The following HEATR5A variants were observed in gnomAD, a reference collection of about 807,000 sequenced individuals.
HEATR5A encodes the protein HEAT repeat containing 5A, also known as HEAT repeat-containing protein 5A.
In HEATR5A, 178 loss-of-function variants were observed where a neutral mutation model predicts 218.8. The ratio of observed to expected loss-of-function variants is 0.81; its 90% CI spans 0.72 to 0.92. The LOEUF is 0.92. Ranked by LOEUF, HEATR5A falls within the 40% of genes least tolerant of loss-of-function variation. HEATR5A has a pLI of 0.00. For missense variants in HEATR5A, 2,420 were observed against 2,418.9 expected, an observed-to-expected ratio of 1.00 and a Z score of -0.01; for synonymous variants, 864 against 871.6, an observed-to-expected ratio of 0.99 and a Z score of 0.15.
chr14:31,322,155 G>A (rs558395358), intron 24 of HEATR5A, among the ~76,000 whole-genome samples: 1 of 152,292 alleles, frequency 6.6e-6, no homozygotes, highest in South Asian at 2.1e-4. Flanking sequence ...CATACAAATG[G>A]TGGGAGTATA....
rs117316022 is a variant in HEATR5A at position 31,420,511 on chromosome 14, A to G, written c.-114T>C. On this transcript the variant is annotated 5_prime_UTR_variant, in exon 1 of 36. Coordinates refer to ENST00000543095, the MANE Select transcript of HEATR5A (RefSeq NM_015473.4). ...CTCAGCTGAGCGTGCGTCCCGGTCC[A>G]GCAACGTTACCGGCTGCTCTGCTAA... 1.3e-5 allele frequency: 2 copies of G among 152,458 alleles called. No homozygotes were observed. Among genetic ancestry groups the G allele is most frequent in the Middle Eastern group, 3.1e-3 (1 of 320 alleles). 9.4% of individuals were successfully genotyped at this position (152,458 alleles called of 1,614,324 possible). A position where few individuals can be genotyped will look rare whatever the true frequency, so the allele number is the denominator to read the frequency against.
At chr14:31,394,010 A>G (rs748712917) in intron 6 of HEATR5A, 42 bp downstream of exon 6, 1 of 1,337,560 alleles carries the variant, frequency 7.5e-7, no homozygotes, top group Non-Finnish European at 1.0e-6. Flanking sequence ...AACTGGGGAA[A>G]AAATTACAGA....
chr14:31,386,390 G>A, intron 9 of HEATR5A, 30 bp downstream of exon 9: 5 of 1,583,922 alleles, frequency 3.2e-6, no homozygotes, highest in East Asian at 4.5e-5. Flanking sequence ...TAGTGTACAA[G>A]GTATTCCAAT....
chr14:31,370,501 T>C (rs942380132), intron 13 of HEATR5A, among the ~76,000 whole-genome samples: 1 of 152,208 alleles, frequency 6.6e-6, no homozygotes, highest in African/African-American at 2.4e-5. Context: ...ACACTATTGG[T>C]AGAAATACAG....
At chr14:31,380,002 T>G (rs565696411) in intron 11 of HEATR5A, among the ~76,000 whole-genome samples, 1 of 152,224 alleles carries the variant, frequency 6.6e-6, no homozygotes, top group South Asian at 2.1e-4. Context: ...AAACAATTAC[T>G]GTTTTTTAAT....
rs576318096 is a variant in HEATR5A, at chr14:31,352,566, C to A, written c.2412-1849G>T. Among the ~76,000 whole-genome samples the A allele has an allele frequency of 2.0e-5, 3 of 152,172 alleles. No homozygotes were observed. The South Asian group carries it at 6.2e-4, about 32-fold the overall frequency. On this transcript the variant is annotated intron_variant, in intron 16 of 35. Transcript: ENST00000543095. ...CATGGGGATCGTGCCTTTAAAAAAC[C>A]TAACTGTACAAGGAGTTAAAGAGTA... is the stretch of plus-strand genomic sequence containing the variant.
At chr14:31,415,483 T>C (rs996307395) in intron 1 of HEATR5A, among the ~76,000 whole-genome samples, 1 of 152,218 alleles carries the variant, frequency 6.6e-6, no homozygotes, top group African/African-American at 2.4e-5. Flanking sequence ...TCACATACGA[T>C]GGGATAATGA....
rs1900106891 is a variant in HEATR5A, at chr14:31,321,500, T to C, written c.3968A>G (p.Asn1323Ser). 1.9e-6 allele frequency: 3 copies of C among 1,575,972 alleles called. No homozygotes were observed. The highest frequency in any genetic ancestry group is 2.6e-6 in the Non-Finnish European group (3 of 1,161,304). The change falls in exon 25 of 36, where the codon AAT (asparagine) becomes AGT (serine). Residue 1323 changes from asparagine to serine, a missense_variant and splice_region_variant. Asn to Ser is a conservative substitution (Grantham distance 46, BLOSUM62 1). Coordinates refer to ENST00000543095, the MANE Select transcript of HEATR5A (RefSeq NM_015473.4). ...GHVILEQYQA[N>S]VGAALRPAFT... ...AATTCTCTAAAAGAAAGTGCTTACA[T>C]TGGCTTGATACTGTTCCAGAATCAC...
rs1223882636 is a variant in HEATR5A at position 31,358,964 on chromosome 14, C to T, written c.2165G>A (p.Cys722Tyr). ...AASTFLLPPLCHQDDLLILSP... is the reference protein window; with the variant it reads ...AASTFLLPPLYHQDDLLILSP... ...TAGTATCAAAAGATCATCCTGATGA[C>T]AGAGGGGTGGAAGTAAAAATGTAGA... Residue 722 changes from cysteine (C) to tyrosine (Y), a missense_variant, in exon 15 of 36, where the codon TGT becomes TAT. Physicochemically the swap from Cys to Tyr is radical, Grantham distance 194 (BLOSUM62 -2). Coordinates refer to ENST00000543095, the MANE Select transcript of HEATR5A (RefSeq NM_015473.4). 6.3e-7 allele frequency: 1 copy of T among 1,590,404 alleles called. No homozygotes were observed. Among genetic ancestry groups the T allele is most frequent in the East Asian group, 2.2e-5 (1 of 44,808 alleles).
intron 1 of HEATR5A, among the ~76,000 whole-genome samples, chr14:31,406,926 C>A (rs1236915052): frequency 7.3e-6 from 1 of 136,622 alleles, no homozygotes; most frequent in African/African-American, 2.7e-5. Flanking sequence ...AAGATCACGC[C>A]ATTGCATTCC....
chr14:31,358,827 A>C lies in HEATR5A; in HGVS notation c.2236-15T>G, dbSNP rs776732678. ...CCAAGCAGGAGCTAAAAGGGAAAAA[A>C]AGTATATAAGGTTTTAAAATCACTG... On this transcript the variant is annotated splice_polypyrimidine_tract_variant and intron_variant, in intron 15 of 35. Transcript: ENST00000543095. 1.7e-4 allele frequency: 275 copies of C among 1,612,554 alleles called. No homozygotes were observed. Among genetic ancestry groups the C allele is most frequent in the Non-Finnish European group, 2.3e-4 (266 of 1,179,498 alleles).
chr14:31,384,096 T>C (rs2030105139), intron 9 of HEATR5A, among the ~76,000 whole-genome samples: 2 of 152,202 alleles, frequency 1.3e-5, no homozygotes, highest in Non-Finnish European at 1.5e-5. Flanking sequence ...AGATCAATTA[T>C]TAATTTGGTA....
intron 29 of HEATR5A, among the ~76,000 whole-genome samples, chr14:31,308,283 G>A (rs1450871299): frequency 6.6e-6 from 1 of 151,990 alleles, no homozygotes; most frequent in East Asian, 1.9e-4. Context: ...CAAGGTGGGC[G>A]GATCATCTGA....
chr14:31,349,777 A>T lies in HEATR5A; in HGVS notation c.2708+12T>A. ...ACATAGCCTCTGAATATTAAATAAG[A>T]AATTCACTTACTTGTCAAAGCTAAC... On this transcript the variant is annotated intron_variant, in intron 18 of 35. Transcript: ENST00000543095. 1 of 1,589,974 alleles carries T rather than the reference A, an allele frequency of 6.3e-7. No homozygotes were observed. The highest frequency in any genetic ancestry group is 8.6e-7 in the Non-Finnish European group (1 of 1,159,800).
intron 32 of HEATR5A, among the ~76,000 whole-genome samples, chr14:31,303,139 AT>A (rs1439522623): frequency 6.6e-6 from 1 of 151,908 alleles, no homozygotes; most frequent in African/African-American, 2.4e-5. Flanking sequence ...TAACAAAAAA[AT>A]AACACCTTTA....
At chr14:31,321,787 C>G (rs1290395249) in intron 24 of HEATR5A, 107 bp from the exon 25 acceptor site, 5 of 795,630 alleles carry the variant, frequency 6.3e-6, no homozygotes, top group Non-Finnish European at 9.8e-6. Context: ...CCTTTAAGTA[C>G]CTCTGACTTG....
rs993410550 is a variant in HEATR5A at position 31,291,970 on chromosome 14, C to T, written c.*1335G>A. On this transcript the variant is annotated 3_prime_UTR_variant, in exon 36 of 36. Transcript: ENST00000543095. Reference sequence around the variant, plus strand: ...CAATTCTGACATGCTTCTATCACTTCGGTTTGTAATTTTTAAGAGGGAAAT... The same window carrying T: ...CAATTCTGACATGCTTCTATCACTTTGGTTTGTAATTTTTAAGAGGGAAAT... 1.1e-4 allele frequency: 16 copies of T among 152,226 alleles called. No individual in the cohort carries two copies. The highest frequency in any genetic ancestry group is 7.8e-4 in the Admixed American group (12 of 15,294). 9.4% of individuals were successfully genotyped at this position (152,226 alleles called of 1,614,324 possible).
chr14:31,368,695 CTATTTATT>C (rs71708210), intron 13 of HEATR5A, among the ~76,000 whole-genome samples: 17,419 of 130,246 alleles, frequency 0.13, 1,486 homozygotes, highest in Admixed American at 0.23. Context: ...ACATCTGACT[CTATTTATT>C]TATTTATTTA....
At chr14:31,298,544 C>T (rs1034568041) in intron 33 of HEATR5A, among the ~76,000 whole-genome samples, 1 of 152,148 alleles carries the variant, frequency 6.6e-6, no homozygotes, top group Non-Finnish European at 1.5e-5. Flanking sequence ...GGTCCTCTTG[C>T]CAAGGCCTCC....
Sources: allele counts gnomAD v4.1 joint callset (sites outside exome capture counted in the v4.1 genomes callset), GRCh38; gene constraint gnomAD v4.1.1; transcripts MANE v1.5; gene names NCBI Gene and HGNC (gene_info 2026-07-23, HGNC 2026-07-21).